The following RMDN3 variants were observed in gnomAD, a reference collection of about 807,000 sequenced individuals.
RMDN3 encodes regulator of microtubule dynamics protein 3.
A neutral mutation model predicts 61.8 loss-of-function variants in RMDN3; 41 were observed. The ratio of observed to expected loss-of-function variants is 0.66; its 90% confidence interval spans 0.52 to 0.86. The LOEUF (loss-of-function observed/expected upper bound fraction) is 0.86. RMDN3 is among the 40% of genes least tolerant of loss of function. RMDN3 has a pLI of 0.00. For synonymous variants in RMDN3, 247 were observed against 232.0 expected (o/e 1.06, Z -0.59); for missense variants, 557 against 585.3 (o/e 0.95, Z 0.50).
chr15:40,748,553 AG>A (rs1473601190), intron 4 of RMDN3, among the ~76,000 whole-genome samples: 3 of 152,216 alleles, frequency 2.0e-5, no homozygotes, highest in African/African-American at 7.2e-5. Flanking sequence ...AAGGACCCCC[AG>A]GTGTCCCTGG....
chr15:40,746,096 C>A (rs985721136), intron 4 of RMDN3, among the ~76,000 whole-genome samples: 3 of 152,210 alleles, frequency 2.0e-5, no homozygotes, highest in African/African-American at 4.8e-5. Context: ...CCCTGATGCA[C>A]CCACTAAAGA....
chr15:40,741,756 G>A (rs1596043817), intron 6 of RMDN3, among the ~76,000 whole-genome samples: 1 of 149,808 alleles, frequency 6.7e-6, no homozygotes, highest in South Asian at 2.1e-4. Context: ...AGCCTCCCGA[G>A]TAGCTGGGAT....
rs1176038451 is a variant in RMDN3 at position 40,737,987 on chromosome 15, A to G, written c.1103T>C (p.Leu368Pro). 1 of 1,614,226 alleles carries G rather than the reference A, an allele frequency of 6.2e-7. No individual in the cohort carries two copies. The highest frequency in any genetic ancestry group is 1.3e-5 in the African/African-American group (1 of 75,066). Residue 368 changes from leucine to proline, a missense_variant, in exon 9 of 13, where the codon CTT becomes CCT. By Grantham distance (98) the Leu-to-Pro change is moderately conservative. Transcript: ENST00000338376. ...TACCTGATAGCACCACCTGCCAAGA[A>G]GAAAGTGAGCCATGGGGTTTTCTGG... Reference protein sequence around the residue: ...LQPENPMAHFLLGRWCYQVSH... With the variant: ...LQPENPMAHFPLGRWCYQVSH...
chr15:40,743,976 C>G (rs1897384286), intron 6 of RMDN3, 71 bp downstream of exon 6: 2 of 1,345,544 alleles, frequency 1.5e-6, no homozygotes, highest in African/African-American at 2.9e-5. Context: ...TCCCCGGGTC[C>G]CCAGGCAGAT....
At chr15:40,753,815 G>C (rs1256603300) in intron 2 of RMDN3, among the ~76,000 whole-genome samples, 3 of 152,124 alleles carry the variant, frequency 2.0e-5, no homozygotes, top group Non-Finnish European at 4.4e-5. Flanking sequence ...TTTCCTCATA[G>C]GAGGGATAAA....
At position 40,740,180 on chromosome 15, in the gene RMDN3, T is replaced by G. The variant is rs1297873266; in HGVS notation, c.924A>C (p.Ala308=). ...CATCCCCCTTCTCCAGAGCAGCCTC[T>G]GCTTCTTCTTTTCCTGTAGGACGAA... The part of the protein sequence containing the change: ...KSYALDGKEE[A]EAALEKGDES... Residue 308 remains alanine (A), a synonymous_variant, in exon 7 of 13, where the codon GCA becomes GCC. Transcript: ENST00000338376. The G allele has an allele frequency of 2.5e-6, 4 of 1,611,202 alleles. No homozygotes were observed. Among genetic ancestry groups the G allele is most frequent in the Middle Eastern group, 1.7e-4 (1 of 6,060 alleles).
Position 40,744,165 on chromosome 15 carries a change from A to C in RMDN3, c.808-16T>G, listed in dbSNP as rs1233805260. The C allele has an allele frequency of 6.2e-7, 1 of 1,612,100 alleles. No homozygotes were observed. The highest frequency in any genetic ancestry group is 1.1e-5 in the South Asian group (1 of 91,068). On this transcript the variant is annotated splice_polypyrimidine_tract_variant and intron_variant, in intron 5 of 12. Transcript: ENST00000338376. ...GGCTTCCATACTGCAGACCAGACAGAAACGGGTGAGGCCCCTTTTTCCTCA... is the reference window on the plus strand; with the variant it reads ...GGCTTCCATACTGCAGACCAGACAGCAACGGGTGAGGCCCCTTTTTCCTCA...
At chr15:40,738,086 T>G in intron 8 of RMDN3, 44 bp from the exon 9 acceptor site, 1 of 1,601,630 alleles carries the variant, frequency 6.2e-7, no homozygotes, top group Non-Finnish European at 8.6e-7. Context: ...GACACCAGAG[T>G]TGCTAAAAGA....
At chr15:40,750,656 A>C (rs1370216417) in intron 4 of RMDN3, among the ~76,000 whole-genome samples, 1 of 152,130 alleles carries the variant, frequency 6.6e-6, no homozygotes, top group Non-Finnish European at 1.5e-5. Flanking sequence ...GCTTATAGCT[A>C]ATTCCTCTGA....
chr15:40,754,715 G>A lies in RMDN3; in HGVS notation c.69C>T (p.Gly23=), dbSNP rs1897969659. 6.2e-7 allele frequency: 1 copy of A among 1,613,734 alleles called. No homozygotes were observed. The highest frequency in any genetic ancestry group is 8.5e-7 in the Non-Finnish European group (1 of 1,179,974). Residue 23 remains glycine, a synonymous_variant, in exon 2 of 13, where the codon GGC becomes GGT. Transcript: ENST00000338376. ...GLGLLLGTAA[G]LGFLCLLYSQ... ...TGTAAAGGAGGCACAGGAATCCAAG[G>A]CCGGCGGCGGTACCCAGCAACAGTC...
At position 40,736,491 on chromosome 15, in the gene RMDN3, C is replaced by T. The variant is rs766888053; in HGVS notation, c.*50G>A. The stretch of plus-strand genomic sequence containing the variant: ...GGTCTAAGGAAAAAAGCCTCCCCGC[C>T]CCCCCACCTTAAATAGTGGCATCAA... On this transcript the variant is annotated 3_prime_UTR_variant, in exon 13 of 13. Coordinates refer to ENST00000338376, the MANE Select transcript of RMDN3 (RefSeq NM_018145.3). The T allele has an allele frequency of 7.7e-6, 12 of 1,567,300 alleles. No homozygotes were observed. The highest frequency in any genetic ancestry group is 3.4e-5 in the Admixed American group (2 of 59,434).
chr15:40,754,211 G>A (rs540580851), intron 2 of RMDN3, among the ~76,000 whole-genome samples: 1 of 146,926 alleles, frequency 6.8e-6, no homozygotes, highest in Non-Finnish European at 1.5e-5. Context: ...GCTCACTGCG[G>A]CCTCCGCCTA....
Position 40,754,744 on chromosome 15 carries a change from G to A in RMDN3, c.40C>T (p.Leu14=). Residue 14 remains leucine, a synonymous_variant, in exon 2 of 13, where the codon CTG becomes TTG. Coordinates refer to ENST00000338376, the MANE Select transcript of RMDN3 (RefSeq NM_018145.3). Reference sequence around the variant, plus strand: ...GCGGCGGTACCCAGCAACAGTCCCAGCCCGGCACGGGCACCACCCAGGGCT... The same window carrying A: ...GCGGCGGTACCCAGCAACAGTCCCAACCCGGCACGGGCACCACCCAGGGCT... ...LGALGGARAG[L]GLLLGTAAGL... 6.3e-7 allele frequency: 1 copy of A among 1,597,520 alleles called. No homozygotes were observed. Among genetic ancestry groups the A allele is most frequent in the Non-Finnish European group, 8.6e-7 (1 of 1,169,252 alleles).
In RMDN3 at chr15:40,738,503, T is replaced by G. The variant is rs566922308; in HGVS notation, c.1045A>C (p.Lys349Gln). ...AAGGAGGAAAAGCCTGTCCTCACCT[T>G]GAAGCTAAAGCCACTCTGGATGCGC... Reference protein sequence around the residue: ...QRRIQSGFSFKEHVDKAIALQ... With the variant: ...QRRIQSGFSFQEHVDKAIALQ... The change falls in exon 8 of 13, where the codon AAG becomes CAG. Residue 349 changes from lysine (K) to glutamine (Q), a missense_variant and splice_region_variant. By Grantham distance (53) the Lys-to-Gln change is moderately conservative. Transcript: ENST00000338376. 10 of 1,614,088 alleles carry G rather than the reference T, an allele frequency of 6.2e-6. No homozygotes were observed. In the East Asian group the frequency reaches 2.2e-4, roughly 36 times the overall value.
chr15:40,744,858 C>G, intron 5 of RMDN3, 119 bp downstream of exon 5: 1 of 1,116,412 alleles, frequency 9.0e-7, no homozygotes, highest in African/African-American at 1.6e-5. Flanking sequence ...CTCACCATTT[C>G]TCGTCCCATG....
intron 4 of RMDN3, 81 bp from the exon 5 acceptor site, chr15:40,745,340 A>C (rs1467879580): frequency 5.1e-6 from 7 of 1,383,642 alleles, no homozygotes; most frequent in Non-Finnish European, 6.0e-6. Context: ...ACCCCCAAAG[A>C]AGCACTCTAC....
chr15:40,736,544 G>GTCTC lies in RMDN3; in HGVS notation c.1406_1409dup (p.Asp470GlufsTer11). The GTCTC allele has an allele frequency of 6.2e-7, 1 of 1,613,904 alleles. No homozygotes were observed. Among genetic ancestry groups the GTCTC allele is most frequent in the Non-Finnish European group, 8.5e-7 (1 of 1,179,876 alleles). On this transcript the variant is annotated frameshift_variant, in exon 13 of 13. Coordinates refer to ENST00000338376, the MANE Select transcript of RMDN3 (RefSeq NM_018145.3). LOFTEE classifies it high-confidence loss of function. ...CATGAAGGCCAGTGAAACGTGGTTAGTCTCGTAAAATGACTTCCAGTTCTT... is the reference window on the plus strand; with the variant it reads ...CATGAAGGCCAGTGAAACGTGGTTAGTCTCTCTCGTAAAATGACTTCCAGTTCTT...
chr15:40,738,713 CTG>C, intron 7 of RMDN3, 137 bp from the exon 8 acceptor site: 6 of 773,606 alleles, frequency 7.8e-6, no homozygotes, highest in Non-Finnish European at 1.3e-5. Context: ...TAATTTTCAT[CTG>C]TACGTAATCC....
intron 8 of RMDN3, 135 bp downstream of exon 8, chr15:40,738,366 A>G: frequency 1.2e-6 from 1 of 805,780 alleles, no homozygotes; most frequent in Middle Eastern, 2.3e-4. Context: ...TGGGCGATAG[A>G]GTGAGACTCT....
Sources: allele counts gnomAD v4.1 joint callset (sites outside exome capture counted in the v4.1 genomes callset), GRCh38; gene constraint gnomAD v4.1.1; transcripts MANE v1.5; gene names NCBI Gene and HGNC (gene_info 2026-07-23, HGNC 2026-07-21).